C22orf42: variants seen among roughly 807,000 people sequenced by gnomAD.
C22orf42 encodes uncharacterized protein C22orf42.
A neutral mutation model predicts 31.4 loss-of-function variants in C22orf42; 24 were observed. That is an observed-to-expected ratio of 0.77 (90% CI 0.55 to 1.08). C22orf42 has a LOEUF of 1.08. Among genes scored for constraint, C22orf42 ranks in the 50% least tolerant of loss-of-function variants. C22orf42 has a pLI of 0.00. For missense variants in C22orf42, 276 were observed against 327.3 expected (o/e 0.84, Z 1.21); for synonymous variants, 96 against 112.7 (o/e 0.85, Z 0.94).
Position 32,159,054 on chromosome 22 carries a change from T to A in C22orf42, c.162A>T (p.Lys54Asn). The change falls in exon 1 of 9, where the codon AAA becomes AAT. Residue 54 changes from lysine to asparagine, a missense_variant. Coordinates refer to ENST00000382097, the MANE Select transcript of C22orf42 (RefSeq NM_001010859.3). The stretch of plus-strand genomic sequence containing the variant: ...ACTGCATGAGTTGGGCCTTCTTAGC[T>A]TTCAAATCCAATTTGGCAGGCTTTG... Reference protein sequence around the residue: ...TTAKPAKLDLKAKKAQLMQYL... With the variant: ...TTAKPAKLDLNAKKAQLMQYL... The A allele has an allele frequency of 6.2e-7, 1 of 1,614,214 alleles. No homozygotes were observed. The highest frequency in any genetic ancestry group is 8.5e-7 in the Non-Finnish European group (1 of 1,180,040).
intron 6 of C22orf42, 86 bp from the exon 7 acceptor site, chr22:32,150,565 C>G: frequency 7.0e-7 from 1 of 1,418,760 alleles, no homozygotes; most frequent in Non-Finnish European, 9.9e-7. Context: ...AGGGCTGGAT[C>G]ATGTGCAGGT....
At chr22:32,157,337 C>T (rs1921318767) in intron 1 of C22orf42, among the ~76,000 whole-genome samples, 1 of 152,018 alleles carries the variant, frequency 6.6e-6, no homozygotes, top group Admixed American at 6.5e-5. Context: ...AACAGTAATC[C>T]CCAGGCTGTA....
rs781147335 is a variant in C22orf42 at position 32,152,064 on chromosome 22, T to C, written c.400+3A>G. ...TAAAGCTGTTTAAAAAAAAAATACGTACGGTGGTCGTGCTTGGCCTCAGGT... is the reference window on the plus strand; with the variant it reads ...TAAAGCTGTTTAAAAAAAAAATACGCACGGTGGTCGTGCTTGGCCTCAGGT... On this transcript the variant is annotated splice_donor_region_variant and intron_variant, in intron 4 of 8. Transcript: ENST00000382097. 6.2e-7 allele frequency: 1 copy of C among 1,602,426 alleles called. No individual in the cohort carries two copies. Among genetic ancestry groups the C allele is most frequent in the Non-Finnish European group, 8.5e-7 (1 of 1,176,548 alleles).
rs1254766961 is a variant in C22orf42 at position 32,150,571 on chromosome 22, C to G, written c.494-92G>C. 69 of 1,356,040 alleles carry G rather than the reference C, an allele frequency of 5.1e-5. No homozygotes were observed. The East Asian group carries it at 1.5e-3, about 29-fold the overall frequency. The allele number at this position is 1,356,040 out of a possible 1,614,324, so 84.0% of individuals were successfully genotyped here. On this transcript the variant is annotated intron_variant, in intron 6 of 8. Coordinates refer to ENST00000382097, the MANE Select transcript of C22orf42 (RefSeq NM_001010859.3). ...ATGTGGACCAGGGCTGGATCATGTG[C>G]AGGTGGGCGGTTGACAGGCATGGAC...
chr22:32,157,622 G>T (rs984347809), intron 1 of C22orf42, among the ~76,000 whole-genome samples: 32 of 152,216 alleles, frequency 2.1e-4, no homozygotes, highest in African/African-American at 7.5e-4. Flanking sequence ...GTCTATGAAG[G>T]TGGGGACCTT....
rs754609078 is a variant in C22orf42, at chr22:32,159,174, GC to G, written c.41del (p.Gly14AlafsTer40). ...KLTCCLGPSG[G>X]LNCDCCRPDV... Reference sequence around the variant, plus strand: ...CTGGCCTGCAGCAGTCACAGTTGAGGCCCCCGCTGGGGCCCAGGCAGCAAGT... The same window carrying G: ...CTGGCCTGCAGCAGTCACAGTTGAGGCCCCGCTGGGGCCCAGGCAGCAAGT... On this transcript the variant is annotated frameshift_variant, in exon 1 of 9. Transcript: ENST00000382097. LOFTEE classifies it high-confidence loss of function. 120 of 1,613,878 alleles carry G rather than the reference GC, an allele frequency of 7.4e-5. No individual in the cohort carries two copies. Among genetic ancestry groups the G allele is most frequent in the Non-Finnish European group, 9.2e-5 (108 of 1,180,022 alleles).
chr22:32,157,088 C>T (rs562655719), intron 1 of C22orf42, among the ~76,000 whole-genome samples: 38 of 152,166 alleles, frequency 2.5e-4, no homozygotes, highest in African/African-American at 8.9e-4. Flanking sequence ...GTTTAAGGAT[C>T]GTTTGCATTT....
intron 1 of C22orf42, among the ~76,000 whole-genome samples, chr22:32,157,602 G>T (rs1921332683): frequency 6.6e-6 from 1 of 152,146 alleles, no homozygotes; most frequent in Non-Finnish European, 1.5e-5. Context: ...AAATAAGATG[G>T]GATCTCTATG....
chr22:32,153,916 G>C (rs1265277534), intron 2 of C22orf42, among the ~76,000 whole-genome samples: 3 of 151,560 alleles, frequency 2.0e-5, no homozygotes, highest in Non-Finnish European at 4.4e-5. Context: ...CCAGCTACTT[G>C]GGAGGCTGAG....
chr22:32,155,252 G>A (rs1359079376), intron 1 of C22orf42, among the ~76,000 whole-genome samples: 2 of 152,184 alleles, frequency 1.3e-5, no homozygotes, highest in Non-Finnish European at 2.9e-5. Context: ...ATGCCCTGGA[G>A]AGATGGCAGG....
At position 32,159,084 on chromosome 22, in the gene C22orf42, G is replaced by T. The variant is rs1399542586; in HGVS notation, c.132C>A (p.Thr44=). The T allele has an allele frequency of 6.2e-7, 1 of 1,614,080 alleles. No individual in the cohort carries two copies. Among genetic ancestry groups the T allele is most frequent in the Non-Finnish European group, 8.5e-7 (1 of 1,180,044 alleles). Residue 44 remains threonine, a synonymous_variant, in exon 1 of 9, where the codon ACC becomes ACA. Coordinates refer to ENST00000382097, the MANE Select transcript of C22orf42 (RefSeq NM_001010859.3). The part of the protein sequence containing the change: ...ETVAATAPAS[T]TAKPAKLDLK... ...AATCCAATTTGGCAGGCTTTGCAGTGGTGGATGCTGGTGCTGTGGCTGCCA... is the reference window on the plus strand; with the variant it reads ...AATCCAATTTGGCAGGCTTTGCAGTTGTGGATGCTGGTGCTGTGGCTGCCA...
At chr22:32,157,176 C>T (rs1288858782) in intron 1 of C22orf42, among the ~76,000 whole-genome samples, 1 of 151,852 alleles carries the variant, frequency 6.6e-6, no homozygotes, top group Non-Finnish European at 1.5e-5. Context: ...CTCAAGTCAG[C>T]CTATTTCAGG....
intron 7 of C22orf42, 113 bp downstream of exon 7, chr22:32,150,206 T>A: frequency 9.1e-7 from 1 of 1,103,296 alleles, no homozygotes; most frequent in Non-Finnish European, 1.3e-6. Context: ...AACAAAAAAA[T>A]TGTATTTGTC....
In C22orf42 at chr22:32,149,058, TTGTCTC is replaced by T. The variant is rs2094107385; in HGVS notation, c.*476_*481del. On this transcript the variant is annotated 3_prime_UTR_variant, in exon 9 of 9. Coordinates refer to ENST00000382097, the MANE Select transcript of C22orf42 (RefSeq NM_001010859.3). ...CCCTAAAATGGAGATAACATCAATA[TTGTCTC>T]CATCACTCCGAAACCCCCTTACAGT... is the stretch of plus-strand genomic sequence containing the variant. 1 of 152,224 alleles carries T rather than the reference TTGTCTC, an allele frequency of 6.6e-6. No individual in the cohort carries two copies. Among genetic ancestry groups the T allele is most frequent in the East Asian group, 1.9e-4 (1 of 5,204 alleles). The allele number at this position is 152,224 out of a possible 1,614,324, so 9.4% of individuals were successfully genotyped here.
At chr22:32,153,764 G>A (rs1457452737) in intron 2 of C22orf42, among the ~76,000 whole-genome samples, 1 of 151,000 alleles carries the variant, frequency 6.6e-6, no homozygotes, top group African/African-American at 2.4e-5. Flanking sequence ...ATTCATAATT[G>A]ACCAAACTGA....
intron 8 of C22orf42, 21 bp from the exon 9 acceptor site, chr22:32,149,634 T>G: frequency 7.1e-7 from 1 of 1,404,666 alleles, no homozygotes; most frequent in Non-Finnish European, 9.3e-7. Flanking sequence ...AGAACAAGAC[T>G]TCATCTCAAA....
upstream of C22orf42, chr22:32,160,018 AT>A: frequency 2.6e-5 from 4 of 152,272 alleles, no homozygotes; most frequent in African/African-American, 9.6e-5. Context: ...ATATAGTGGG[AT>A]ACCACTGTCC....
Position 32,150,302 on chromosome 22 carries a change from A to G in C22orf42, c.654+17T>C, listed in dbSNP as rs112690988. On this transcript the variant is annotated intron_variant, in intron 7 of 8. Coordinates refer to ENST00000382097, the MANE Select transcript of C22orf42 (RefSeq NM_001010859.3). ...CAGAAAAAACATTTCTCTTCCAGAC[A>G]AAGAAATGCATCTTACCATCTCCGG... The G allele has an allele frequency of 6.1e-3, 9,763 of 1,610,236 alleles. 532 individuals are homozygous for G. The African/African-American group carries it at 0.12, about 19-fold the overall frequency.
intron 1 of C22orf42, among the ~76,000 whole-genome samples, chr22:32,154,813 A>G (rs914997408): frequency 6.6e-6 from 1 of 152,260 alleles, no homozygotes; most frequent in African/African-American, 2.4e-5. Flanking sequence ...ACAGTGTTCA[A>G]TCATTCAATG....
Sources: allele counts gnomAD v4.1 joint callset (sites outside exome capture counted in the v4.1 genomes callset), GRCh38; gene constraint gnomAD v4.1.1; transcripts MANE v1.5; gene names NCBI Gene and HGNC (gene_info 2026-07-23, HGNC 2026-07-21).